The following DTNB variants were observed in gnomAD, a reference collection of about 807,000 sequenced individuals.
The protein encoded by DTNB is dystrobrevin beta, also known as DTN-B.
DTNB carries 63 observed loss-of-function variants against 90.7 expected under a neutral mutation model. The ratio of observed to expected loss-of-function variants is 0.69; its 90% CI spans 0.57 to 0.86. DTNB has a LOEUF of 0.86. Ranked by LOEUF, DTNB falls within the 40% of genes least tolerant of loss-of-function variation. The probability of loss-of-function intolerance (pLI) is 0.00; values close to 1 mark genes in which losing one functional copy is unlikely to be tolerated. For missense variants in DTNB, 744 were observed against 807.1 expected (o/e 0.92, Z 0.95); for synonymous variants, 277 against 286.7 (o/e 0.97, Z 0.34).
chr2:25,493,590 G>A (rs894916028), intron 9 of DTNB, among the ~76,000 whole-genome samples: 1 of 152,048 alleles, frequency 6.6e-6, no homozygotes, highest in Admixed American at 6.6e-5. Context: ...TTCATAGATT[G>A]GCCAAAGTTA....
chr2:25,587,564 C>T (rs959934692), intron 6 of DTNB, among the ~76,000 whole-genome samples: 17 of 152,200 alleles, frequency 1.1e-4, no homozygotes, highest in African/African-American at 4.1e-4. Flanking sequence ...CTTCTTTCAG[C>T]TCATGAATCA....
intron 9 of DTNB, among the ~76,000 whole-genome samples, chr2:25,514,846 C>T (rs1417185051): frequency 6.6e-6 from 1 of 151,744 alleles, no homozygotes; most frequent in Non-Finnish European, 1.5e-5. Context: ...CCACGCCTGG[C>T]TAATTTTTGT....
At chr2:25,599,543 G>A (rs376479169) in intron 5 of DTNB, among the ~76,000 whole-genome samples, 104 of 151,748 alleles carry the variant, frequency 6.9e-4, no homozygotes, top group Non-Finnish European at 7.2e-4. Flanking sequence ...GGGTTTCACC[G>A]TGTTAGCCAG....
chr2:25,429,954 C>G (rs1181884605), intron 14 of DTNB, among the ~76,000 whole-genome samples: 1 of 152,134 alleles, frequency 6.6e-6, no homozygotes, highest in Non-Finnish European at 1.5e-5. Flanking sequence ...TGCTGAACCC[C>G]AAGTGCACTT....
Position 25,413,271 on chromosome 2 carries a change from T to C in DTNB, c.1575+6244A>G, listed in dbSNP as rs902781606. On this transcript the variant is annotated intron_variant, in intron 16 of 20. Transcript: ENST00000406818. ...TTGCTTTCTTGGGAAATCAGACACC[T>C]TTTTTTTTTAATACTTTAAGTTCTA... is the stretch of plus-strand genomic sequence containing the variant. Among the ~76,000 whole-genome samples, 13 of 97,652 alleles carry C rather than the reference T, an allele frequency of 1.3e-4. No individual in the cohort carries two copies. In the East Asian group the frequency reaches 2.4e-3, roughly 18 times the overall value. The allele number at this position is 97,652 out of a possible 152,430, so 64.1% of individuals were successfully genotyped here.
At chr2:25,558,869 A>G (rs1008032947) in intron 8 of DTNB, among the ~76,000 whole-genome samples, 2 of 152,158 alleles carry the variant, frequency 1.3e-5, no homozygotes, top group African/African-American at 4.8e-5. Context: ...GGGCTCTAGA[A>G]AGTCCAGAAT....
intron 4 of DTNB, among the ~76,000 whole-genome samples, chr2:25,619,063 CTTT>C (rs2071655988): frequency 6.6e-6 from 1 of 152,074 alleles, no homozygotes; most frequent in Non-Finnish European, 1.5e-5. Context: ...CAAATTCTGT[CTTT>C]CAATATTTAA....
At chr2:25,485,846 A>G (rs2065998280) in intron 9 of DTNB, among the ~76,000 whole-genome samples, 1 of 151,888 alleles carries the variant, frequency 6.6e-6, no homozygotes, top group Non-Finnish European at 1.5e-5. Flanking sequence ...CCTGCTGGCC[A>G]GGCGCAGTGG....
At chr2:25,473,218 T>C (rs1455884306) in intron 10 of DTNB, among the ~76,000 whole-genome samples, 12 of 152,194 alleles carry the variant, frequency 7.9e-5, no homozygotes, top group Non-Finnish European at 1.5e-4. Flanking sequence ...CTTTACTAGC[T>C]GAAGTGAGCT....
chr2:25,433,651 C>T (rs909011000), intron 13 of DTNB, among the ~76,000 whole-genome samples: 3 of 151,850 alleles, frequency 2.0e-5, no homozygotes, highest in South Asian at 2.1e-4. Flanking sequence ...GGGGGTCACA[C>T]GGATGGGTGG....
intron 10 of DTNB, among the ~76,000 whole-genome samples, chr2:25,465,605 C>G (rs1016798024): frequency 6.6e-6 from 1 of 152,186 alleles, no homozygotes; most frequent in Non-Finnish European, 1.5e-5. Flanking sequence ...GCCGTGCTGA[C>G]CTTTCCACTA....
intron 1 of DTNB, 79 bp from the exon 2 acceptor site, chr2:25,652,740 G>C (rs2081218917): frequency 4.8e-6 from 7 of 1,468,846 alleles, no homozygotes; most frequent in South Asian, 1.4e-5. Flanking sequence ...ATTGTGAAGA[G>C]GGACCGGAAA....
chr2:25,658,526 T>C (rs1393848770), intron 1 of DTNB, among the ~76,000 whole-genome samples: 1 of 152,202 alleles, frequency 6.6e-6, no homozygotes, highest in South Asian at 2.1e-4. Context: ...ATGATGCCCT[T>C]CAATAGGTGA....
rs1573901542 is a variant in DTNB at position 25,640,878 on chromosome 2, C to T, written c.68-1784G>A. ...AAAATTAGCCGGGTGAGGTGGTGGGCGCCTGTAGTCCCAGCTACTCGGGAG... is the reference window on the plus strand; with the variant it reads ...AAAATTAGCCGGGTGAGGTGGTGGGTGCCTGTAGTCCCAGCTACTCGGGAG... On this transcript the variant is annotated intron_variant, in intron 2 of 20. Transcript: ENST00000406818. Among the ~76,000 whole-genome samples the T allele has an allele frequency of 5.3e-5, 8 of 152,066 alleles. 1 individual carries two copies. The highest frequency in any genetic ancestry group is 6.5e-5 in the Admixed American group (1 of 15,274).
At chr2:25,602,590 G>C (rs1009424187) in intron 5 of DTNB, among the ~76,000 whole-genome samples, 9 of 152,040 alleles carry the variant, frequency 5.9e-5, no homozygotes, top group South Asian at 2.1e-4. Context: ...GAAACATGAA[G>C]GAAGCAAACA....
intron 8 of DTNB, among the ~76,000 whole-genome samples, chr2:25,568,029 G>A (rs942160056): frequency 1.3e-5 from 2 of 152,124 alleles, no homozygotes; most frequent in East Asian, 1.9e-4. Context: ...ATGGTGGTAC[G>A]CGCCTGTAGT....
chr2:25,422,444 C>T (rs1486485957), intron 15 of DTNB, among the ~76,000 whole-genome samples: 6 of 122,178 alleles, frequency 4.9e-5, no homozygotes, highest in African/African-American at 1.3e-4. Flanking sequence ...CTCACTGTGT[C>T]GCCCAGGCTG....
At chr2:25,656,120 C>T (rs760434310) in intron 1 of DTNB, among the ~76,000 whole-genome samples, 1 of 152,192 alleles carries the variant, frequency 6.6e-6, no homozygotes, top group Non-Finnish European at 1.5e-5. Context: ...AAATAAAATA[C>T]TTGCATTTAA....
At chr2:25,566,670 C>T (rs1311950085) in intron 8 of DTNB, among the ~76,000 whole-genome samples, 2 of 152,158 alleles carry the variant, frequency 1.3e-5, no homozygotes, top group Non-Finnish European at 2.9e-5. Flanking sequence ...AATAGTCAAT[C>T]CCTAATAGTC....
Sources: gnomAD v4.1 joint callset for allele counts (sites outside exome capture counted in the v4.1 genomes callset) on GRCh38, gnomAD v4.1.1 for gene constraint, MANE v1.5 for transcripts, NCBI Gene and HGNC (gene_info 2026-07-23, HGNC 2026-07-21) for gene names.